The following MMP27 variants were observed in gnomAD, a reference collection of about 807,000 sequenced individuals.
The protein encoded by MMP27 is matrix metalloproteinase-27.
Under a neutral mutation model 48.1 loss-of-function variants are expected in MMP27, and 51 were observed. That is an observed-to-expected ratio of 1.06 (90% CI 0.85 to 1.34). The LOEUF (loss-of-function observed/expected upper bound fraction) is 1.34. Among genes scored for constraint, MMP27 ranks in the 40% most tolerant of loss-of-function variants. MMP27 has a pLI of 0.00. For missense variants in MMP27, 698 were observed against 619.3 expected, an observed-to-expected ratio of 1.13 and a Z score of -1.35; for synonymous variants, 229 against 208.9, an observed-to-expected ratio of 1.10 and a Z score of -0.83.
intron 4 of MMP27, among the ~76,000 whole-genome samples, chr11:102,698,209 T>C (rs1860869397): frequency 6.6e-6 from 1 of 152,226 alleles, no homozygotes; most frequent in Admixed American, 6.5e-5. Context: ...GCTGAACTTT[T>C]ATATGACTGG....
At chr11:102,699,609 G>C (rs1397906471) in intron 4 of MMP27, among the ~76,000 whole-genome samples, 1 of 152,174 alleles carries the variant, frequency 6.6e-6, no homozygotes, top group Non-Finnish European at 1.5e-5. Flanking sequence ...AACGTAAAAG[G>C]GCAAAGAATT....
intron 4 of MMP27, among the ~76,000 whole-genome samples, chr11:102,700,133 G>A (rs1014994897): frequency 6.6e-6 from 1 of 152,156 alleles, no homozygotes; most frequent in African/African-American, 2.4e-5. Context: ...ATATACAAGG[G>A]TATATTTCAT....
At position 102,691,744 on chromosome 11, in the gene MMP27, G is replaced by A. The variant is rs1206331189; in HGVS notation, c.*22C>T. 1 of 1,527,178 alleles carries A rather than the reference G, an allele frequency of 6.5e-7. No homozygotes were observed. The highest frequency in any genetic ancestry group is 8.9e-7 in the Non-Finnish European group (1 of 1,127,416). The allele number at this position is 1,527,178 out of a possible 1,614,324, so 94.6% of individuals were successfully genotyped here. On this transcript the variant is annotated 3_prime_UTR_variant, in exon 10 of 10. Transcript: ENST00000260229. Reference sequence around the variant, plus strand: ...GAATTTATATTAAAAGACCTGTTGAGGTTTATTTTAGGTCTATGAATTTAT... The same window carrying A: ...GAATTTATATTAAAAGACCTGTTGAAGTTTATTTTAGGTCTATGAATTTAT...
intron 6 of MMP27, among the ~76,000 whole-genome samples, chr11:102,695,967 T>A (rs1218568245): frequency 6.6e-6 from 1 of 152,168 alleles, no homozygotes; most frequent in Admixed American, 6.5e-5. Flanking sequence ...GATTTTCAGA[T>A]GTAAATACTC....
Position 102,705,738 on chromosome 11 carries a change from C to A in MMP27, c.-24G>T. 1 of 1,522,472 alleles carries A rather than the reference C, an allele frequency of 6.6e-7. No individual in the cohort carries two copies. The highest frequency in any genetic ancestry group is 9.0e-7 in the Non-Finnish European group (1 of 1,108,896). 94.3% of individuals were successfully genotyped at this position (1,522,472 alleles called of 1,614,324 possible). A position where few individuals can be genotyped will look rare whatever the true frequency, so the allele number is the denominator to read the frequency against. On this transcript the variant is annotated 5_prime_UTR_variant, in exon 1 of 10. Coordinates refer to ENST00000260229, the MANE Select transcript of MMP27 (RefSeq NM_022122.3). ...ATTCCTCTCTTTCTTCAGCTGAAGC[C>A]GGTTCTGTTAGCACAGAATTTAGAA...
chr11:102,693,128 G>A lies in MMP27; in HGVS notation c.1194-87C>T, dbSNP rs1860756290. 7 of 949,696 alleles carry A rather than the reference G, an allele frequency of 7.4e-6. 1 individual carries two copies. The South Asian group carries it at 9.9e-5, about 13-fold the overall frequency. The allele number at this position is 949,696 out of a possible 1,614,324, so 58.8% of individuals were successfully genotyped here. On this transcript the variant is annotated intron_variant, in intron 8 of 9. Transcript: ENST00000260229. Reference sequence around the variant, plus strand: ...ACCGCACAACTTAGAGTCAAGCAGGGATGTGGGGAATACATAGGCATAGTA... The same window carrying A: ...ACCGCACAACTTAGAGTCAAGCAGGAATGTGGGGAATACATAGGCATAGTA...
At chr11:102,694,820 T>C in intron 7 of MMP27, 147 bp downstream of exon 7, 2 of 808,016 alleles carry the variant, frequency 2.5e-6, no homozygotes, top group Non-Finnish European at 3.8e-6. Context: ...TCCTGGTTAT[T>C]TATATTCTTT....
At chr11:102,698,496 G>T (rs1355587394) in intron 4 of MMP27, among the ~76,000 whole-genome samples, 1 of 151,850 alleles carries the variant, frequency 6.6e-6, no homozygotes, top group Non-Finnish European at 1.5e-5. Context: ...GAAGCCACCA[G>T]TTTGGGGTTG....
chr11:102,691,797 T>A lies in MMP27; in HGVS notation c.1511A>T (p.His504Leu), dbSNP rs1403060529. 3.7e-6 allele frequency: 6 copies of A among 1,604,074 alleles called. No individual in the cohort carries two copies. The highest frequency in any genetic ancestry group is 2.2e-5 in the East Asian group (1 of 44,624). Reference protein sequence around the residue: ...SLSLFIFGIVHLLKNTSIYQ With the variant: ...SLSLFIFGIVLLLKNTSIYQ ...ATAAATAGAAGTGTTTTTCAGCAAA[T>A]GAACAATACCAAAAATAAACAAGCT... Residue 504 changes from histidine (H) to leucine (L), a missense_variant, in exon 10 of 10, where the codon CAT (histidine) becomes CTT (leucine). His to Leu is a moderately conservative substitution (Grantham distance 99). Transcript: ENST00000260229.
Position 102,702,800 on chromosome 11 carries a change from C to T in MMP27, c.572G>A (p.Gly191Asp). 1.2e-6 allele frequency: 2 copies of T among 1,614,036 alleles called. No individual in the cohort carries two copies. The highest frequency in any genetic ancestry group is 1.7e-6 in the Non-Finnish European group (2 of 1,179,968). Residue 191 changes from glycine (G) to aspartate (D), a missense_variant, in exon 4 of 10, where the codon GGT (glycine) becomes GAT (aspartate). By Grantham distance (94) the Gly-to-Asp change is moderately conservative. Transcript: ENST00000260229. ...HAFPPGPGLG[G>D]DTHFDEDENW... ...TTCATCCTCATCAAAATGAGTGTCA[C>T]CACCCAGACCCGGACCAGGAGGAAA...
intron 4 of MMP27, among the ~76,000 whole-genome samples, chr11:102,697,918 C>T (rs1860861370): frequency 6.6e-6 from 1 of 152,200 alleles, no homozygotes; most frequent in African/African-American, 2.4e-5. Flanking sequence ...ATCCGTATTA[C>T]TGTCTTCCAC....
At chr11:102,698,186 C>T (rs1345152345) in intron 4 of MMP27, among the ~76,000 whole-genome samples, 4 of 152,058 alleles carry the variant, frequency 2.6e-5, no homozygotes, top group Non-Finnish European at 5.9e-5. Context: ...ATGTACTTCA[C>T]ACAATTGTAT....
intron 7 of MMP27, 69 bp downstream of exon 7, chr11:102,694,897 TA>T: frequency 6.3e-7 from 1 of 1,576,962 alleles, no homozygotes; most frequent in Non-Finnish European, 8.7e-7. Flanking sequence ...TTTTATTTCT[TA>T]CACCAAAATA....
intron 2 of MMP27, among the ~76,000 whole-genome samples, chr11:102,703,778 C>A (rs1332360333): frequency 6.6e-6 from 1 of 152,210 alleles, no homozygotes; most frequent in East Asian, 1.9e-4. Context: ...TCTGCCTCAG[C>A]CTCCCAAAGT....
intron 6 of MMP27, 49 bp from the exon 7 acceptor site, chr11:102,695,146 A>G (rs375249542): frequency 2.1e-5 from 34 of 1,584,836 alleles, no homozygotes; most frequent in East Asian, 6.8e-5. Context: ...TTCCATGTCA[A>G]TGAGAATTTT....
chr11:102,694,449 C>T (rs1860786101), intron 7 of MMP27, among the ~76,000 whole-genome samples: 1 of 152,108 alleles, frequency 6.6e-6, no homozygotes, highest in Non-Finnish European at 1.5e-5. Context: ...ACATGTTCTC[C>T]TAAGTTTCAG....
In MMP27 at chr11:102,696,433, G is replaced by A. The variant is rs939651864; in HGVS notation, c.840C>T (p.Asp280=). 1.9e-6 allele frequency: 3 copies of A among 1,613,748 alleles called. No homozygotes were observed. Among genetic ancestry groups the A allele is most frequent in the Non-Finnish European group, 2.5e-6 (3 of 1,179,854 alleles). The change falls in exon 6 of 10, where the codon GAC becomes GAT. Residue 280 remains aspartate, a synonymous_variant. Transcript: ENST00000260229. ...PKEPTIPHAC[D]PDLTFDAITT... ...TGATAGCGTCAAAAGTCAAGTCAGG[G>A]TCACAGGCATGGGGTATAGTGGGTT... is the stretch of plus-strand genomic sequence containing the variant.
Position 102,691,799 on chromosome 11 carries a change from A to G in MMP27, c.1509T>C (p.Val503=). 1 of 1,606,232 alleles carries G rather than the reference A, an allele frequency of 6.2e-7. No homozygotes were observed. The highest frequency in any genetic ancestry group is 8.5e-7 in the Non-Finnish European group (1 of 1,174,894). The stretch of plus-strand genomic sequence containing the variant: ...AAATAGAAGTGTTTTTCAGCAAATG[A>G]ACAATACCAAAAATAAACAAGCTTA... ...KSLSLFIFGI[V]HLLKNTSIYQ The change falls in exon 10 of 10, where the codon GTT becomes GTC. Residue 503 remains valine, a synonymous_variant. Coordinates refer to ENST00000260229, the MANE Select transcript of MMP27 (RefSeq NM_022122.3).
At chr11:102,703,528 C>A (rs1210270995) in intron 2 of MMP27, among the ~76,000 whole-genome samples, 1 of 148,558 alleles carries the variant, frequency 6.7e-6, no homozygotes, top group Admixed American at 6.7e-5. Context: ...ATATTAAGAA[C>A]TTTTTTTTTT....
Sources: gnomAD v4.1 joint callset for allele counts (sites outside exome capture counted in the v4.1 genomes callset) on GRCh38, gnomAD v4.1.1 for gene constraint, MANE v1.5 for transcripts, NCBI Gene and HGNC (gene_info 2026-07-23, HGNC 2026-07-21) for gene names.